The following OR1S2 variants were observed in gnomAD, a reference collection of about 807,000 sequenced individuals.
OR1S2 encodes the protein olfactory receptor family 1 subfamily S member 2, also known as olfactory receptor 1S2.
A neutral mutation model predicts 1.7 loss-of-function variants in OR1S2; 1 was observed. The ratio of observed to expected loss-of-function variants is 0.59; its 90% CI spans 0.21 to 2.81. OR1S2 has a LOEUF of 2.81. Among genes scored for constraint, OR1S2 ranks in the 30% most tolerant of loss-of-function variants. The probability of loss-of-function intolerance (pLI) is 0.22; values close to 1 mark genes in which losing one functional copy is unlikely to be tolerated. For missense variants in OR1S2, 391 were observed against 371.6 expected (o/e 1.05, Z -0.43); for synonymous variants, 157 against 145.3 (o/e 1.08, Z -0.58).
exon 1 of OR1S2, chr11:58,203,649 T>G: frequency 6.2e-7 from 1 of 1,613,910 alleles, no homozygotes; most frequent in South Asian, 1.1e-5. Context: ...GAAGAGCAAT[T>G]GAATGAGCAG....
At position 58,204,088 on chromosome 11, in the gene OR1S2, T is replaced by G. The variant is rs762916278; in HGVS notation, c.55A>C (p.Asn19His). 1.9e-6 allele frequency: 3 copies of G among 1,613,940 alleles called. No individual in the cohort carries two copies. In the East Asian group the frequency reaches 6.7e-5, roughly 36 times the overall value. Residue 19 changes from asparagine (N) to histidine (H), a missense_variant, in exon 1 of 1, where the codon AAC becomes CAC. By Grantham distance (68) the Asn-to-His change is moderately conservative. Transcript: ENST00000641683. ...AGGAGGTTTTGATGTTCAGCCTGGTTGGAGAGTCCCAGGAGAATGAATTCA... is the reference window on the plus strand; with the variant it reads ...AGGAGGTTTTGATGTTCAGCCTGGTGGGAGAGTCCCAGGAGAATGAATTCA...
chr11:58,203,956 G>C (rs757175036), exon 1 of OR1S2: 2 of 1,613,990 alleles, frequency 1.2e-6, no homozygotes, highest in African/African-American at 2.7e-5. Flanking sequence ...AGGTAGGCAA[G>C]GAAGAGATAC....
exon 1 of OR1S2, chr11:58,203,454 G>T (rs150759965): frequency 1.2e-6 from 2 of 1,613,910 alleles, no homozygotes; most frequent in Non-Finnish European, 1.7e-6. Flanking sequence ...TCCCTGTGTG[G>T]ATGATACTCC....
chr11:58,203,327 C>A (rs1273279241), exon 1 of OR1S2: 1 of 1,614,088 alleles, frequency 6.2e-7, no homozygotes, highest in South Asian at 1.1e-5. Context: ...CAGCACCAAT[C>A]TTATCAGTGT....
At chr11:58,203,732 C>G (rs1854876470) in exon 1 of OR1S2, 15 of 1,613,944 alleles carry the variant, frequency 9.3e-6, no homozygotes, top group Non-Finnish European at 1.3e-5. Context: ...CGAACCTGGC[C>G]CGCATGAAAG....
In OR1S2 at chr11:58,203,827, C is replaced by T. The variant is rs1854878725; in HGVS notation, c.316G>A (p.Val106Met). Residue 106 changes from valine (V) to methionine (M), a missense_variant, in exon 1 of 1, where the codon GTG (valine) becomes ATG (methionine). Val to Met is a conservative substitution (Grantham distance 21). Transcript: ENST00000641683. ...AGCAAATTGTCAGTGACGACAAACACAATAGAAAAGTACATCTGTGTGATG... is the reference window on the plus strand; with the variant it reads ...AGCAAATTGTCAGTGACGACAAACATAATAGAAAAGTACATCTGTGTGATG... 1.9e-6 allele frequency: 3 copies of T among 1,614,042 alleles called. No individual in the cohort carries two copies.
At chr11:58,203,994 C>T in exon 1 of OR1S2, 3 of 1,614,018 alleles carry the variant, frequency 1.9e-6, no homozygotes, top group Non-Finnish European at 1.7e-6. Context: ...TATATCCAAG[C>T]TGATAGCCAC....
At chr11:58,203,460 A>G in exon 1 of OR1S2, 1 of 1,613,970 alleles carries the variant, frequency 6.2e-7, no homozygotes. Flanking sequence ...TGTGGATGAT[A>G]CTCCCAGGAC....
At chr11:58,203,768 C>T (rs145253819) in exon 1 of OR1S2, 33 of 1,613,916 alleles carry the variant, frequency 2.0e-5, no homozygotes, top group East Asian at 8.9e-5. Context: ...GGTGGCAGAT[C>T]GCCACAAAGT....
exon 1 of OR1S2, chr11:58,203,858 C>A: frequency 6.2e-7 from 1 of 1,614,088 alleles, no homozygotes; most frequent in Non-Finnish European, 8.5e-7. Flanking sequence ...TGATGCAGCT[C>A]TCATAAGAGA....
At chr11:58,203,301 A>C in exon 1 of OR1S2, 1 of 1,614,106 alleles carries the variant, frequency 6.2e-7, no homozygotes, top group Non-Finnish European at 8.5e-7. Context: ...CATGGGTGTC[A>C]CCACAGTGAA....
chr11:58,203,755 G>A, exon 1 of OR1S2: 1 of 1,614,128 alleles, frequency 6.2e-7, no homozygotes, highest in African/African-American at 1.3e-5. Context: ...GTATAGTTCA[G>A]AGGGTGGCAG....
chr11:58,203,920 A>T (rs1854880104), exon 1 of OR1S2: 1 of 1,614,014 alleles, frequency 6.2e-7, no homozygotes, highest in South Asian at 1.1e-5. Context: ...ACTGAGTTGG[A>T]AATGGAGGAA....
exon 1 of OR1S2, chr11:58,203,808 T>C (rs1433162190): frequency 6.2e-7 from 1 of 1,614,050 alleles, no homozygotes; most frequent in Non-Finnish European, 8.5e-7. Flanking sequence ...CAAAAGCAAA[T>C]TGTCAGTGAC....
exon 1 of OR1S2, chr11:58,203,654 G>A: frequency 1.2e-6 from 2 of 1,614,170 alleles, no homozygotes; most frequent in South Asian, 1.1e-5. Context: ...GCAATTGAAT[G>A]AGCAGAAGGG....
exon 1 of OR1S2, chr11:58,204,095 T>C (rs766120026): frequency 2.5e-6 from 4 of 1,613,686 alleles, no homozygotes; most frequent in Non-Finnish European, 3.4e-6. Flanking sequence ...GGTTGGAGAG[T>C]CCCAGGAGAA....
chr11:58,203,569 T>A, exon 1 of OR1S2: 1 of 1,614,164 alleles, frequency 6.2e-7, no homozygotes, highest in South Asian at 1.1e-5. Flanking sequence ...TTGATCATTG[T>A]ATCTGAACAG....
In OR1S2 at chr11:58,203,415, G is replaced by C. The variant is rs761987396; in HGVS notation, c.728C>G (p.Ser243Cys). The change falls in exon 1 of 1, where the codon TCT becomes TGT. Residue 243 changes from serine to cysteine, a missense_variant. By Grantham distance (112) the Ser-to-Cys change is moderately radical. Transcript: ENST00000641683. ...GAACAGTAATGCAATTGTCAGGTGA[G>C]AGCCACAAGTGGAGAAGGCTTTCCA... 7 of 1,614,044 alleles carry C rather than the reference G, an allele frequency of 4.3e-6. No homozygotes were observed. In the South Asian group the frequency reaches 5.5e-5, roughly 13 times the overall value.
exon 1 of OR1S2, chr11:58,203,926 A>C: frequency 6.2e-7 from 1 of 1,614,124 alleles, no homozygotes; most frequent in African/African-American, 1.3e-5. Context: ...TTGGAAATGG[A>C]GGAAATATCA....
Sources: gnomAD v4.1 joint callset for allele counts on GRCh38, gnomAD v4.1.1 for gene constraint, MANE v1.5 for transcripts, NCBI Gene and HGNC (gene_info 2026-07-23, HGNC 2026-07-21) for gene names.